CCDC144A: variants seen among roughly 807,000 people sequenced by gnomAD.
CCDC144A encodes coiled-coil domain-containing protein 144A.
CCDC144A carries 41 observed loss-of-function variants against 143.8 expected under a neutral mutation model. The observed-to-expected ratio is 0.29, with a 90% CI of 0.22 to 0.37. The LOEUF (loss-of-function observed/expected upper bound fraction) is 0.37. CCDC144A is among the 10% of genes least tolerant of loss of function. The pLI is 1.00. For missense variants in CCDC144A, 637 were observed against 1,488.8 expected, an observed-to-expected ratio of 0.43 and a Z score of 9.41; for synonymous variants, 242 against 517.9, an observed-to-expected ratio of 0.47 and a Z score of 7.23.
chr17:16,667,276 GGGGCT>G, the CCDC144A span, among the ~76,000 whole-genome samples: 1 of 141,882 alleles, frequency 7.0e-6, no homozygotes, highest in Non-Finnish European at 1.6e-5. Flanking sequence ...AGGCGGCTGA[GGGGCT>G]GAGGGGTTGA....
intron 6 of CCDC144A, 127 bp downstream of exon 6, chr17:16,711,942 C>T (rs947937518): frequency 9.8e-7 from 1 of 1,023,638 alleles, no homozygotes; most frequent in African/African-American, 1.6e-5. Flanking sequence ...ACCAGCCTGA[C>T]CAACATGGAT....
At chr17:16,704,860 C>T (rs539112702) in intron 2 of CCDC144A, among the ~76,000 whole-genome samples, 2 of 152,012 alleles carry the variant, frequency 1.3e-5, no homozygotes, top group East Asian at 3.9e-4. Flanking sequence ...TTTATATCCA[C>T]GAAGAATCTT....
intron 9 of CCDC144A, among the ~76,000 whole-genome samples, chr17:16,728,066 T>C (rs891841448): frequency 2.0e-5 from 3 of 152,182 alleles, no homozygotes; most frequent in African/African-American, 7.2e-5. Flanking sequence ...TACTATTATT[T>C]GTAGACACAG....
chr17:16,759,156 A>G (rs2143357678), intron 12 of CCDC144A, among the ~76,000 whole-genome samples: 1 of 152,288 alleles, frequency 6.6e-6, no homozygotes, highest in African/African-American at 2.4e-5. Flanking sequence ...GATGCTCCTC[A>G]GATTAGGATG....
At chr17:16,762,200 C>CA in intron 13 of CCDC144A, 113 bp from the exon 14 acceptor site, 2 of 1,496,876 alleles carry the variant, frequency 1.3e-6, no homozygotes, top group Non-Finnish European at 1.8e-6. Context: ...TTCTCTGAAT[C>CA]ACGTACTTAA....
chr17:16,770,106 G>T (rs554214475), intron 15 of CCDC144A, among the ~76,000 whole-genome samples: 1 of 151,650 alleles, frequency 6.6e-6, no homozygotes. Flanking sequence ...GATTACAGGC[G>T]TGAGCCACCA....
intron 6 of CCDC144A, among the ~76,000 whole-genome samples, chr17:16,716,853 G>C (rs1310551164): frequency 7.2e-6 from 1 of 138,010 alleles, no homozygotes; most frequent in Non-Finnish European, 1.5e-5. Context: ...TCGCTCTGTC[G>C]CCCAGGCTGG....
At chr17:16,676,511 CA>C in the CCDC144A span, among the ~76,000 whole-genome samples, 3,734 of 79,988 alleles carry the variant, frequency 0.047, 139 homozygotes, top group African/African-American at 0.13. Flanking sequence ...ACTCCGTCTC[CA>C]AAAAAAAAAA....
At chr17:16,722,095 G>A (rs1298898510) in intron 8 of CCDC144A, among the ~76,000 whole-genome samples, 1 of 152,060 alleles carries the variant, frequency 6.6e-6, no homozygotes, top group African/African-American at 2.4e-5. Flanking sequence ...TCTTTATCAT[G>A]CTGATGGTGT....
At chr17:16,750,287 C>T (rs1265757138) in intron 12 of CCDC144A, among the ~76,000 whole-genome samples, 9 of 151,434 alleles carry the variant, frequency 5.9e-5, no homozygotes, top group East Asian at 3.8e-4. Flanking sequence ...TCTGGTCTAG[C>T]GGTAATGAAT....
At chr17:16,756,356 CA>C (rs1347498160) in intron 12 of CCDC144A, among the ~76,000 whole-genome samples, 1 of 152,108 alleles carries the variant, frequency 6.6e-6, no homozygotes, top group Non-Finnish European at 1.5e-5. Context: ...GACCTCTCTT[CA>C]AGTTCAGAAA....
the CCDC144A span, among the ~76,000 whole-genome samples, chr17:16,667,446 AGGT>A: frequency 6.6e-6 from 1 of 150,892 alleles, no homozygotes; most frequent in Non-Finnish European, 1.5e-5. Context: ...TGAGGGGCTG[AGGT>A]GGCTCAGGGG....
chr17:16,759,729 G>A (rs979797586), intron 12 of CCDC144A, among the ~76,000 whole-genome samples: 2 of 152,174 alleles, frequency 1.3e-5, no homozygotes, highest in African/African-American at 4.8e-5. Flanking sequence ...TTAGCTCCTG[G>A]TCCAATGGTA....
chr17:16,728,228 G>C (rs1597563873), intron 9 of CCDC144A, among the ~76,000 whole-genome samples: 1 of 152,122 alleles, frequency 6.6e-6, no homozygotes, highest in East Asian at 1.9e-4. Context: ...GTAGAGACGG[G>C]GTATCACTGT....
At chr17:16,700,516 G>C (rs891260700) in intron 2 of CCDC144A, among the ~76,000 whole-genome samples, 1 of 152,070 alleles carries the variant, frequency 6.6e-6, no homozygotes, top group Non-Finnish European at 1.5e-5. Flanking sequence ...CCAAATTCAA[G>C]GTCCCAAACA....
At chr17:16,726,224 A>G (rs1314909397) in intron 8 of CCDC144A, among the ~76,000 whole-genome samples, 2 of 148,502 alleles carry the variant, frequency 1.3e-5, no homozygotes, top group Non-Finnish European at 2.9e-5. Flanking sequence ...TAAAAATACA[A>G]AAAAAAATTA....
At chr17:16,702,453 G>A (rs1911786969) in intron 2 of CCDC144A, among the ~76,000 whole-genome samples, 1 of 152,218 alleles carries the variant, frequency 6.6e-6, no homozygotes, top group African/African-American at 2.4e-5. Flanking sequence ...TAGTGAGAGT[G>A]AGTACACTGA....
intron 12 of CCDC144A, among the ~76,000 whole-genome samples, chr17:16,756,282 T>G (rs1915081594): frequency 6.6e-6 from 1 of 152,264 alleles, no homozygotes; most frequent in Non-Finnish European, 1.5e-5. Flanking sequence ...CCACATACAC[T>G]GTCTTCATTC....
chr17:16,698,660 T>C (rs1372978683), intron 2 of CCDC144A, among the ~76,000 whole-genome samples: 3 of 152,306 alleles, frequency 2.0e-5, no homozygotes, highest in East Asian at 3.9e-4. Flanking sequence ...AAGTCCTTGA[T>C]AGGCTCTTCT....
Sources: allele counts gnomAD v4.1 joint callset (sites outside exome capture counted in the v4.1 genomes callset), GRCh38; gene constraint gnomAD v4.1.1; transcripts MANE v1.5; gene names NCBI Gene and HGNC (gene_info 2026-07-23, HGNC 2026-07-21).